Variants in SFI1 observed in about 807,000 individuals in gnomAD.
The protein encoded by SFI1 is SFI1 centrin binding protein.
In SFI1, 195 loss-of-function variants were observed where a neutral mutation model predicts 207.5. The observed-to-expected ratio is 0.94, with a 90% CI of 0.84 to 1.06. The LOEUF (loss-of-function observed/expected upper bound fraction) is 1.06. Among genes scored for constraint, SFI1 ranks in the 50% least tolerant of loss-of-function variants. The probability of loss-of-function intolerance (pLI) is 0.00; values close to 1 mark genes in which losing one functional copy is unlikely to be tolerated. For synonymous variants in SFI1, 630 were observed against 598.9 expected (o/e 1.05, Z -0.76); for missense variants, 1,634 against 1,588.0 (o/e 1.03, Z -0.49).
chr22:31,561,659 T>C (rs141361076), intron 8 of SFI1, among the ~76,000 whole-genome samples: 1,531 of 152,342 alleles, frequency 0.01, 6 homozygotes, highest in Middle Eastern at 0.024. Context: ...GTTATAAACA[T>C]GTTTAGAGAA....
intron 6 of SFI1, among the ~76,000 whole-genome samples, chr22:31,553,858 T>G (rs1295523188): frequency 1.6e-5 from 2 of 124,502 alleles, no homozygotes; most frequent in South Asian, 2.9e-4. Context: ...TTTTTTTTTT[T>G]TTTTTTTTTT....
intron 2 of SFI1, among the ~76,000 whole-genome samples, chr22:31,527,503 G>T (rs1273430593): frequency 6.6e-6 from 1 of 152,320 alleles, no homozygotes; most frequent in South Asian, 2.1e-4. Context: ...GGAAGGCTTA[G>T]TTGGGAGGAT....
chr22:31,543,642 T>A (rs2059798571), intron 4 of SFI1, among the ~76,000 whole-genome samples: 2 of 151,832 alleles, frequency 1.3e-5, no homozygotes, highest in Non-Finnish European at 2.9e-5. Context: ...AAACCCCATC[T>A]TTACTAAAAG....
At chr22:31,590,095 A>G (rs1352236185) in intron 15 of SFI1, among the ~76,000 whole-genome samples, 2 of 151,702 alleles carry the variant, frequency 1.3e-5, no homozygotes, top group African/African-American at 4.9e-5. Context: ...GCAGGCAGGA[A>G]GCAAAAGGGG....
chr22:31,612,880 C>A (rs2070612258), intron 24 of SFI1: 2 of 501,810 alleles, frequency 4.0e-6, no homozygotes, highest in Admixed American at 6.4e-5. Flanking sequence ...TTCACCATTC[C>A]CCGGACCTCA....
chr22:31,498,044 C>T (rs1253093989), intron 1 of SFI1, among the ~76,000 whole-genome samples: 1 of 152,190 alleles, frequency 6.6e-6, no homozygotes, highest in African/African-American at 2.4e-5. Context: ...CCTGTAATCC[C>T]AGCACTTTGG....
intron 24 of SFI1, chr22:31,612,366 C>A (rs1244763997): frequency 9.7e-6 from 1 of 102,988 alleles, no homozygotes; most frequent in African/African-American, 4.0e-5. Context: ...GGCAACAGAG[C>A]GAGACTCTGT....
At chr22:31,618,289 C>T in intron 32 of SFI1, 25 bp from the exon 33 acceptor site, 1 of 1,605,518 alleles carries the variant, frequency 6.2e-7, no homozygotes, top group Non-Finnish European at 8.5e-7. Context: ...CCCTCTCAGC[C>T]CTGCCTGTCC....
At chr22:31,559,455 C>G (rs996550693) in intron 7 of SFI1, 11 of 434,462 alleles carry the variant, frequency 2.5e-5, no homozygotes, top group African/African-American at 2.0e-4. Flanking sequence ...CCGCGGGAGG[C>G]CTACACACCG....
At chr22:31,589,684 T>C in intron 15 of SFI1, 107 bp downstream of exon 15, 2 of 1,223,748 alleles carry the variant, frequency 1.6e-6, no homozygotes, top group Non-Finnish European at 1.1e-6. Context: ...CCCCAGGCCC[T>C]AGTACTTCCT....
chr22:31,595,734 A>G (rs992696049), intron 15 of SFI1, among the ~76,000 whole-genome samples: 23 of 152,132 alleles, frequency 1.5e-4, no homozygotes, highest in African/African-American at 5.1e-4. Context: ...GCTTCCTGTG[A>G]GTGAGAGGGT....
intron 31 of SFI1, among the ~76,000 whole-genome samples, 169 bp downstream of exon 31, chr22:31,617,247 C>G (rs2071745917): frequency 1.3e-5 from 2 of 152,104 alleles, no homozygotes; most frequent in South Asian, 4.1e-4. Context: ...TCCAGAAAGA[C>G]CCCATCTCCA....
rs567560071 is a variant in SFI1 at position 31,560,018 on chromosome 22, T to A, written c.663-1272T>A. 1.0e-4 allele frequency: 34 copies of A among 340,282 alleles called. 1 individual carries two copies. The South Asian group carries it at 1.0e-3, about 10-fold the overall frequency. 21.1% of individuals were successfully genotyped at this position (340,282 alleles called of 1,614,324 possible). On this transcript the variant is annotated intron_variant, in intron 7 of 32. Coordinates refer to ENST00000400288, the MANE Select transcript of SFI1 (RefSeq NM_001007467.3). The stretch of plus-strand genomic sequence containing the variant: ...AAAGTAATAAATAAGTAAAATGTTA[T>A]TGGTACTGTATTGATGCTGGGGCTG...
chr22:31,611,491 G>A (rs1482511171), intron 23 of SFI1, among the ~76,000 whole-genome samples, 188 bp downstream of exon 23: 1 of 152,214 alleles, frequency 6.6e-6, no homozygotes, highest in African/African-American at 2.4e-5. Context: ...GGAGCCTAGC[G>A]AGTAGCCAGC....
At chr22:31,509,493 G>A (rs1050346046) in intron 2 of SFI1, among the ~76,000 whole-genome samples, 1 of 152,228 alleles carries the variant, frequency 6.6e-6, no homozygotes, top group Admixed American at 6.5e-5. Flanking sequence ...GGAGAAAGAT[G>A]CAGGCTAGAA....
intron 10 of SFI1, among the ~76,000 whole-genome samples, chr22:31,576,806 AT>A (rs1414527043): frequency 6.6e-6 from 1 of 151,250 alleles, no homozygotes; most frequent in East Asian, 2.0e-4. Context: ...TGTCCGGCTA[AT>A]TTTTTTGTAT....
At chr22:31,514,044 G>C (rs2056079217) in intron 2 of SFI1, among the ~76,000 whole-genome samples, 1 of 150,102 alleles carries the variant, frequency 6.7e-6, no homozygotes, top group Non-Finnish European at 1.5e-5. Context: ...TGAGGCAGGA[G>C]AATCACTTGA....
chr22:31,561,376 T>A lies in SFI1; in HGVS notation c.749T>A (p.Leu250Gln). ...GCCTCTGCTTTGAAGCACAGGGCCC[T>A]GAGCCTCCAGGTGCAGGTGAGTCCA... ...LHASALKHRA[L>Q]SLQVQAWSQW... The change falls in exon 8 of 33, where the codon CTG becomes CAG. Residue 250 changes from leucine to glutamine, a missense_variant. Physicochemically the swap from Leu to Gln is moderately radical, Grantham distance 113. Transcript: ENST00000400288. The A allele has an allele frequency of 6.2e-7, 1 of 1,613,498 alleles. No individual in the cohort carries two copies.
In SFI1 at chr22:31,543,699, A is replaced by T. The variant is rs978859864; in HGVS notation, c.339-3162A>T. On this transcript the variant is annotated intron_variant, in intron 4 of 32. Coordinates refer to ENST00000400288, the MANE Select transcript of SFI1 (RefSeq NM_001007467.3). Reference sequence around the variant, plus strand: ...GTGGCACACGCCTGTAGTCCCAGCTACTCTGGAGGCTGAGGCAGGAGAATC... The same window carrying T: ...GTGGCACACGCCTGTAGTCCCAGCTTCTCTGGAGGCTGAGGCAGGAGAATC... Among the ~76,000 whole-genome samples the T allele has an allele frequency of 2.0e-5, 3 of 151,370 alleles. No homozygotes were observed. The Admixed American group carries it at 2.0e-4, about 10-fold the overall frequency.
Sources: allele counts gnomAD v4.1 joint callset (sites outside exome capture counted in the v4.1 genomes callset), GRCh38; gene constraint gnomAD v4.1.1; transcripts MANE v1.5; gene names NCBI Gene and HGNC (gene_info 2026-07-23, HGNC 2026-07-21).